The following ZDHHC14 variants were observed in gnomAD, a reference collection of about 807,000 sequenced individuals.
The protein encoded by ZDHHC14 is palmitoyltransferase ZDHHC14.
Under a neutral mutation model 47.7 loss-of-function variants are expected in ZDHHC14, and 16 were observed. The ratio of observed to expected loss-of-function variants is 0.34; its 90% CI spans 0.23 to 0.51. The LOEUF (loss-of-function observed/expected upper bound fraction) is 0.51, where lower values mean the gene tolerates loss of function less well. Ranked by LOEUF, ZDHHC14 falls within the 20% of genes least tolerant of loss-of-function variation. ZDHHC14 has a pLI of 0.97. For missense variants in ZDHHC14, 515 were observed against 662.5 expected (o/e 0.78, Z 2.44); for synonymous variants, 293 against 278.9 (o/e 1.05, Z -0.50).
intron 1 of ZDHHC14, among the ~76,000 whole-genome samples, chr6:157,494,854 A>T (rs1562448352): frequency 6.6e-6 from 1 of 152,206 alleles, no homozygotes; most frequent in African/African-American, 2.4e-5. Context: ...GTCTACATTT[A>T]AAAAGTGCCA....
rs202099145 is a variant in ZDHHC14, at chr6:157,382,126, G to T, written c.105G>T (p.Ala35=). ...MESPHKKKKI[A]ARRKWEVFPG... ...CGCCCCACAAGAAGAAGAAAATCGC[G>T]GCCCGGAGGAAATGGGAGGTGTTCC... is the stretch of plus-strand genomic sequence containing the variant. Residue 35 remains alanine, a synonymous_variant, in exon 1 of 9, where the codon GCG becomes GCT. Coordinates refer to ENST00000359775, the MANE Select transcript of ZDHHC14 (RefSeq NM_024630.3). 5.0e-6 allele frequency: 8 copies of T among 1,613,504 alleles called. No homozygotes were observed. The highest frequency in any genetic ancestry group is 4.5e-5 in the East Asian group (2 of 44,746).
At chr6:157,478,510 T>C (rs1779543549) in intron 1 of ZDHHC14, among the ~76,000 whole-genome samples, 1 of 152,244 alleles carries the variant, frequency 6.6e-6, no homozygotes, top group South Asian at 2.1e-4. Flanking sequence ...TCTTTACTTC[T>C]AATCATTTTG....
intron 1 of ZDHHC14, among the ~76,000 whole-genome samples, chr6:157,518,858 G>A (rs1442871447): frequency 6.6e-6 from 1 of 152,220 alleles, no homozygotes; most frequent in Non-Finnish European, 1.5e-5. Context: ...GAGGGGTGTA[G>A]TCTTCACAGT....
intron 3 of ZDHHC14, among the ~76,000 whole-genome samples, chr6:157,605,809 G>A (rs1334221961): frequency 6.6e-6 from 1 of 152,194 alleles, no homozygotes; most frequent in East Asian, 1.9e-4. Flanking sequence ...CACAGCGGGT[G>A]GGGGGTAGGG....
At chr6:157,457,565 A>G (rs934339243) in intron 1 of ZDHHC14, among the ~76,000 whole-genome samples, 4 of 152,254 alleles carry the variant, frequency 2.6e-5, no homozygotes, top group South Asian at 2.1e-4. Flanking sequence ...TGGAATATTT[A>G]TCAATCATTT....
intron 1 of ZDHHC14, among the ~76,000 whole-genome samples, chr6:157,522,759 C>T (rs1582883031): frequency 1.8e-5 from 2 of 112,224 alleles, no homozygotes; most frequent in Non-Finnish European, 3.6e-5. Context: ...CTTCCTCCCT[C>T]CCTCCCTTCT....
At chr6:157,519,409 T>A (rs1360194599) in intron 1 of ZDHHC14, among the ~76,000 whole-genome samples, 1 of 149,922 alleles carries the variant, frequency 6.7e-6, no homozygotes, top group African/African-American at 2.4e-5. Context: ...CTTTCCTCAC[T>A]GGAGGCCTTC....
At chr6:157,557,882 A>G (rs1239956168) in intron 2 of ZDHHC14, among the ~76,000 whole-genome samples, 2 of 152,228 alleles carry the variant, frequency 1.3e-5, no homozygotes, top group African/African-American at 4.8e-5. Flanking sequence ...ATTGGGATAA[A>G]TAGTGAATTT....
intron 2 of ZDHHC14, among the ~76,000 whole-genome samples, chr6:157,546,875 C>T (rs1263274624): frequency 3.3e-5 from 5 of 152,184 alleles, no homozygotes; most frequent in African/African-American, 1.2e-4. Context: ...ACCGTCCTGA[C>T]CCGATGCTGA....
intron 1 of ZDHHC14, among the ~76,000 whole-genome samples, chr6:157,388,924 G>A (rs1437974634): frequency 6.6e-6 from 1 of 152,104 alleles, no homozygotes; most frequent in African/African-American, 2.4e-5. Flanking sequence ...GTCTGAGCTT[G>A]GTAATTATCA....
intron 5 of ZDHHC14, among the ~76,000 whole-genome samples, chr6:157,643,650 A>ATATATATATAT (rs1777364584): frequency 1.4e-5 from 1 of 72,522 alleles, no homozygotes; most frequent in Non-Finnish European, 3.0e-5. Flanking sequence ...CTTCATCTCA[A>ATATATATATAT]ATATATATAT....
Position 157,506,180 on chromosome 6 carries a change from A to G in ZDHHC14, c.246-36405A>G, listed in dbSNP as rs1780322587. Reference sequence around the variant, plus strand: ...CATTTGTGTGACTCAGCACAATCTCATTATCCCTCTTTAGAAACATCCATG... The same window carrying G: ...CATTTGTGTGACTCAGCACAATCTCGTTATCCCTCTTTAGAAACATCCATG... On this transcript the variant is annotated intron_variant, in intron 1 of 8. Transcript: ENST00000359775. Among the ~76,000 whole-genome samples the G allele has an allele frequency of 2.6e-5, 4 of 152,332 alleles. 1 individual carries two copies. The South Asian group carries it at 8.3e-4, about 32-fold the overall frequency.
chr6:157,562,510 G>C lies in ZDHHC14; in HGVS notation c.406+19765G>C, dbSNP rs1002421238. ...TCCATGCGATTCTCTAGGCAGATTT[G>C]GGGTGGGGGCTCCCGAGAGGGTCTG... is the stretch of plus-strand genomic sequence containing the variant. On this transcript the variant is annotated intron_variant, in intron 2 of 8. Transcript: ENST00000359775. 5.3e-5 allele frequency among the ~76,000 whole-genome samples: 8 copies of C among 152,170 alleles called. No individual in the cohort carries two copies. In the South Asian group the frequency reaches 1.7e-3, roughly 32 times the overall value.
chr6:157,508,148 A>G (rs1255019910), intron 1 of ZDHHC14, among the ~76,000 whole-genome samples: 1 of 152,044 alleles, frequency 6.6e-6, no homozygotes, highest in Non-Finnish European at 1.5e-5. Context: ...GTTGTTCTTT[A>G]CAGCTGGTGT....
intron 1 of ZDHHC14, among the ~76,000 whole-genome samples, chr6:157,493,756 G>A (rs190226365): frequency 8.7e-4 from 133 of 152,360 alleles, no homozygotes; most frequent in East Asian, 3.3e-3. Flanking sequence ...TCGTGTCTGC[G>A]CACCCAGGTC....
At chr6:157,444,056 T>G (rs915888730) in intron 1 of ZDHHC14, among the ~76,000 whole-genome samples, 3 of 152,214 alleles carry the variant, frequency 2.0e-5, no homozygotes, top group African/African-American at 7.2e-5. Flanking sequence ...AATATTTTGT[T>G]TATTCCTCAC....
chr6:157,446,298 A>C (rs1022177390), intron 1 of ZDHHC14, among the ~76,000 whole-genome samples: 2 of 152,098 alleles, frequency 1.3e-5, no homozygotes, highest in Non-Finnish European at 2.9e-5. Flanking sequence ...CCTTCTCCAC[A>C]TAGCCACATG....
intron 1 of ZDHHC14, among the ~76,000 whole-genome samples, chr6:157,383,968 A>G (rs1777264252): frequency 6.6e-6 from 1 of 152,202 alleles, no homozygotes; most frequent in African/African-American, 2.4e-5. Flanking sequence ...ATCTGTTAGG[A>G]TGAACACTGG....
intron 3 of ZDHHC14, among the ~76,000 whole-genome samples, chr6:157,607,260 G>A (rs1784574478): frequency 6.6e-6 from 1 of 152,114 alleles, no homozygotes; most frequent in Admixed American, 6.5e-5. Flanking sequence ...TAAATTGTTA[G>A]AAAATAGACT....
Sources: gnomAD v4.1 joint callset for allele counts (sites outside exome capture counted in the v4.1 genomes callset) on GRCh38, gnomAD v4.1.1 for gene constraint, MANE v1.5 for transcripts, NCBI Gene and HGNC (gene_info 2026-07-23, HGNC 2026-07-21) for gene names.